PUM3: variants seen among roughly 807,000 people sequenced by gnomAD.
PUM3 encodes the protein pumilio homolog 3.
A neutral mutation model predicts 84.0 loss-of-function variants in PUM3; 91 were observed. The observed-to-expected ratio is 1.08, with a 90% CI of 0.91 to 1.29. The LOEUF (loss-of-function observed/expected upper bound fraction) is 1.29. PUM3 is among the 50% of genes most tolerant of loss of function. The pLI, the probability that PUM3 is intolerant of heterozygous loss-of-function variation, is 0.00. For missense variants in PUM3, 1,067 were observed against 767.5 expected (o/e 1.39, Z -4.61); for synonymous variants, 321 against 266.7 (o/e 1.20, Z -1.98).
intron 14 of PUM3, among the ~76,000 whole-genome samples, 181 bp from the exon 15 acceptor site, chr9:2,811,764 T>C (rs1821379630): frequency 6.6e-6 from 1 of 151,010 alleles, no homozygotes; most frequent in African/African-American, 2.4e-5. Flanking sequence ...TTTTTAAAAA[T>C]GTTTGTGTCC....
chr9:2,824,649 G>T, intron 11 of PUM3, 68 bp downstream of exon 11: 1 of 1,041,448 alleles, frequency 9.6e-7, no homozygotes, highest in Non-Finnish European at 1.3e-6. Context: ...GGACAGCTAA[G>T]TCAAGCCTGC....
At chr9:2,822,900 C>A (rs970041682) in intron 12 of PUM3, among the ~76,000 whole-genome samples, 3 of 151,508 alleles carry the variant, frequency 2.0e-5, no homozygotes, top group Non-Finnish European at 4.4e-5. Flanking sequence ...TCTAGCCCAA[C>A]AGAAGACAAT....
intron 13 of PUM3, among the ~76,000 whole-genome samples, chr9:2,814,672 G>A (rs1287633890): frequency 6.6e-6 from 1 of 152,098 alleles, no homozygotes; most frequent in Non-Finnish European, 1.5e-5. Flanking sequence ...AAAGAAAGAG[G>A]TGAGAATAAT....
chr9:2,814,214 ATTTT>A (rs372676174), intron 13 of PUM3, among the ~76,000 whole-genome samples: 1 of 118,988 alleles, frequency 8.4e-6, no homozygotes, highest in African/African-American at 4.5e-5. Context: ...AACTCCAACT[ATTTT>A]TTTTTTTTTT....
chr9:2,831,399 C>CAA, intron 5 of PUM3, 55 bp from the exon 6 acceptor site: 2 of 1,136,658 alleles, frequency 1.8e-6, no homozygotes, highest in Non-Finnish European at 1.3e-6. Flanking sequence ...ATGTTTCTCA[C>CAA]TAATTTATTG....
At chr9:2,815,419 C>T (rs187199860) in intron 13 of PUM3, among the ~76,000 whole-genome samples, 1 of 152,150 alleles carries the variant, frequency 6.6e-6, no homozygotes, top group Non-Finnish European at 1.5e-5. Context: ...TGTGTACTAA[C>T]AATTCCAGTA....
chr9:2,835,631 T>C (rs955974062), intron 3 of PUM3, among the ~76,000 whole-genome samples: 1 of 152,182 alleles, frequency 6.6e-6, no homozygotes, highest in African/African-American at 2.4e-5. Flanking sequence ...TATATTAATA[T>C]GGTATCCTCT....
At chr9:2,816,187 C>T (rs1821465242) in intron 13 of PUM3, among the ~76,000 whole-genome samples, 1 of 152,180 alleles carries the variant, frequency 6.6e-6, no homozygotes, top group Non-Finnish European at 1.5e-5. Context: ...CAGACTACTG[C>T]ATAGAACCTA....
chr9:2,808,091 C>A, intron 16 of PUM3, 187 bp from the exon 17 acceptor site: 1 of 536,866 alleles, frequency 1.9e-6, no homozygotes, highest in Non-Finnish European at 3.3e-6. Context: ...TCTAAAAGAG[C>A]CATTTCTTTT....
Position 2,837,260 on chromosome 9 carries a change from TC to T in PUM3, c.223del (p.Asp75ThrfsTer46), listed in dbSNP as rs1315099549. On this transcript the variant is annotated frameshift_variant, in exon 3 of 18. Transcript: ENST00000397885. LOFTEE classifies it high-confidence loss of function. ...CTGGAATTTGTTCTTTGGTGATTTG[TC>T]CCCTTGCTGCTTATTCTTGAACTGC... ...VKQFKNKQQG[D>X]KSPKNKFQPA... 5 of 1,614,028 alleles carry T rather than the reference TC, an allele frequency of 3.1e-6. No homozygotes were observed. The highest frequency in any genetic ancestry group is 4.2e-6 in the Non-Finnish European group (5 of 1,179,984).
intron 13 of PUM3, among the ~76,000 whole-genome samples, chr9:2,815,720 A>G (rs958596370): frequency 3.3e-5 from 5 of 152,344 alleles, no homozygotes; most frequent in African/African-American, 1.2e-4. Context: ...GAGATTAAAT[A>G]AAGCTAGCTG....
chr9:2,833,908 G>T, intron 4 of PUM3, 123 bp downstream of exon 4: 1 of 932,446 alleles, frequency 1.1e-6, no homozygotes, highest in Non-Finnish European at 1.6e-6. Flanking sequence ...GGGGTGTCAT[G>T]AGGACCCCCT....
chr9:2,835,249 C>T (rs144399976), intron 3 of PUM3, among the ~76,000 whole-genome samples: 124 of 152,110 alleles, frequency 8.2e-4, no homozygotes, highest in African/African-American at 2.8e-3. Context: ...CCCGTCTCCA[C>T]AAAAAATTAA....
chr9:2,835,336 T>G (rs982852982), intron 3 of PUM3, among the ~76,000 whole-genome samples: 2 of 152,136 alleles, frequency 1.3e-5, no homozygotes, highest in Non-Finnish European at 2.9e-5. Flanking sequence ...GAGGATCACT[T>G]GAGTCCAGGA....
At chr9:2,808,722 A>AT (rs1167431996) in intron 16 of PUM3, among the ~76,000 whole-genome samples, 4 of 152,294 alleles carry the variant, frequency 2.6e-5, no homozygotes, top group South Asian at 2.1e-4. Flanking sequence ...AGTGAGGCAA[A>AT]TTGTTTTCCA....
At chr9:2,824,615 G>T in intron 11 of PUM3, 102 bp downstream of exon 11, 2 of 674,586 alleles carry the variant, frequency 3.0e-6, no homozygotes, top group Non-Finnish European at 4.3e-6. Flanking sequence ...ACAGGGCAAA[G>T]ACCAAAGGGG....
chr9:2,841,147 AATTT>A (rs1166334575), intron 1 of PUM3, among the ~76,000 whole-genome samples: 46 of 152,238 alleles, frequency 3.0e-4, no homozygotes, highest in African/African-American at 1.1e-3. Context: ...CACCATCTAC[AATTT>A]ATTTATACAC....
chr9:2,834,100 C>G lies in PUM3; in HGVS notation c.371G>C (p.Arg124Thr). Residue 124 changes from arginine (R) to threonine (T), a missense_variant, in exon 4 of 18, where the codon AGA becomes ACA. Arg to Thr is a moderately conservative substitution (Grantham distance 71). Transcript: ENST00000397885. Reference sequence around the variant, plus strand: ...ATAGTTGGTTTTATCACTGAGTTGTCTGCTTTGCTTCAGTTCTTTCTTCTT... The same window carrying G: ...ATAGTTGGTTTTATCACTGAGTTGTGTGCTTTGCTTCAGTTCTTTCTTCTT... Reference protein sequence around the residue: ...KKKKKELKQSRQLSDKTNYDI... With the variant: ...KKKKKELKQSTQLSDKTNYDI... 1 of 1,613,752 alleles carries G rather than the reference C, an allele frequency of 6.2e-7. No homozygotes were observed. Among genetic ancestry groups the G allele is most frequent in the Non-Finnish European group, 8.5e-7 (1 of 1,179,760 alleles).
chr9:2,836,706 C>T (rs958298134), intron 3 of PUM3, among the ~76,000 whole-genome samples: 3 of 152,132 alleles, frequency 2.0e-5, no homozygotes, highest in African/African-American at 7.2e-5. Context: ...ACCAAAGCAT[C>T]CTTAACCAAG....
Sources: allele counts gnomAD v4.1 joint callset (sites outside exome capture counted in the v4.1 genomes callset), GRCh38; gene constraint gnomAD v4.1.1; transcripts MANE v1.5; gene names NCBI Gene and HGNC (gene_info 2026-07-23, HGNC 2026-07-21).